The following STS variants were observed in gnomAD, a reference collection of about 807,000 sequenced individuals.
STS encodes steroid sulfatase.
In STS, 7 loss-of-function variants were observed where a neutral mutation model predicts 26.8. That is an observed-to-expected ratio of 0.26 (90% CI 0.15 to 0.49). STS has a LOEUF of 0.49. Ranked by LOEUF, STS falls within the 20% of genes least tolerant of loss-of-function variation. The pLI is 0.98. For synonymous variants in STS, 199 were observed against 189.4 expected (o/e 1.05, Z -0.42); for missense variants, 434 against 465.6 (o/e 0.93, Z 0.63).
chrX:7,215,138 C>CATATAT (rs369499691), intron 2 of STS, among the ~76,000 whole-genome samples: 2,292 of 90,201 alleles, frequency 0.025, 99 homozygotes, highest in African/African-American at 0.093. Context: ...CACACACACA[C>CATATAT]ATATATATAT....
intron 1 of STS, among the ~76,000 whole-genome samples, chrX:7,168,744 C>T (rs1207065527): frequency 1.8e-5 from 2 of 111,654 alleles, no homozygotes; most frequent in East Asian, 2.8e-4. Context: ...TTGCCTTCCT[C>T]TCTGTCCTTA....
At chrX:7,236,753 A>G (rs2147064572) in intron 2 of STS, among the ~76,000 whole-genome samples, 1 of 112,179 alleles carries the variant, frequency 8.9e-6, no homozygotes, top group Non-Finnish European at 1.9e-5. Flanking sequence ...ATTTTTCTTT[A>G]AGCCAATTAA....
At chrX:7,295,625 A>G (rs1349691813) in intron 7 of STS, among the ~76,000 whole-genome samples, 1 of 110,757 alleles carries the variant, frequency 9.0e-6, no homozygotes, top group African/African-American at 3.3e-5. Context: ...TATCTCTGGT[A>G]GGACCCACGG....
At chrX:7,284,786 A>T (rs924730338) in intron 7 of STS, among the ~76,000 whole-genome samples, 19 of 112,180 alleles carry the variant, frequency 1.7e-4, no homozygotes, top group Admixed American at 3.8e-4. Flanking sequence ...TTCAAGGCAG[A>T]TGGCTAAGAA....
intron 6 of STS, among the ~76,000 whole-genome samples, chrX:7,263,802 T>C (rs1923867328): frequency 1.0e-5 from 1 of 99,082 alleles, no homozygotes; most frequent in African/African-American, 3.6e-5. Flanking sequence ...TGTGTGTGTA[T>C]ATATGTGTGT....
intron 1 of STS, among the ~76,000 whole-genome samples, chrX:7,179,829 T>A (rs1221524991): frequency 8.9e-6 from 1 of 112,038 alleles, no homozygotes; most frequent in Non-Finnish European, 1.9e-5. Context: ...ACAGCAGAAA[T>A]AAATTCAGGA....
At chrX:7,238,764 C>A (rs1922450585) in intron 2 of STS, among the ~76,000 whole-genome samples, 1 of 110,883 alleles carries the variant, frequency 9.0e-6, no homozygotes, top group African/African-American at 3.3e-5. Flanking sequence ...CTGGGGAGTT[C>A]AAGGCTGCAG....
chrX:7,267,536 G>GA (rs1401745753), intron 6 of STS, among the ~76,000 whole-genome samples: 1 of 112,049 alleles, frequency 8.9e-6, no homozygotes, highest in South Asian at 3.7e-4. Flanking sequence ...TCTGCTTTGT[G>GA]AAAAAACAGA....
At chrX:7,258,277 A>AT (rs759423739) in intron 5 of STS, among the ~76,000 whole-genome samples, 2 of 109,451 alleles carry the variant, frequency 1.8e-5, no homozygotes, top group Non-Finnish European at 3.8e-5. Context: ...GGATAGATAG[A>AT]TAGATAGATA....
At chrX:7,295,699 G>A (rs1189773589) in intron 7 of STS, among the ~76,000 whole-genome samples, 1 of 110,800 alleles carries the variant, frequency 9.0e-6, no homozygotes, top group East Asian at 2.9e-4. Flanking sequence ...TGCTTCTCTC[G>A]ACTAACACTG....
chrX:7,286,518 A>G (rs776095955), intron 7 of STS, among the ~76,000 whole-genome samples: 4 of 110,511 alleles, frequency 3.6e-5, no homozygotes, highest in Non-Finnish European at 7.6e-5. Flanking sequence ...CCAATTTTTT[A>G]TTCAAGCAGA....
intron 2 of STS, among the ~76,000 whole-genome samples, chrX:7,218,139 A>T (rs1324165724): frequency 2.7e-5 from 3 of 112,294 alleles, no homozygotes; most frequent in Non-Finnish European, 3.8e-5. Context: ...TGTATTCCCC[A>T]TTGCTTGACA....
chrX:7,314,768 G>T (rs1342413537), intron 8 of STS, among the ~76,000 whole-genome samples: 1 of 112,379 alleles, frequency 8.9e-6, no homozygotes, highest in Admixed American at 9.4e-5. Context: ...TTGAAGTTGT[G>T]TGGTCAAGCG....
intron 1 of STS, among the ~76,000 whole-genome samples, chrX:7,178,543 G>C: frequency 9.0e-6 from 1 of 111,274 alleles, no homozygotes; most frequent in South Asian, 3.8e-4. Context: ...CTTTTGCTTG[G>C]GTTCCTCTCT....
intron 9 of STS, among the ~76,000 whole-genome samples, chrX:7,326,968 T>C (rs1927507599): frequency 8.9e-6 from 1 of 112,151 alleles, no homozygotes. Context: ...AGTTCAACTA[T>C]TCTCAAACTT....
intron 1 of STS, among the ~76,000 whole-genome samples, chrX:7,155,100 C>A (rs1292999828): frequency 8.9e-6 from 1 of 112,006 alleles, no homozygotes; most frequent in East Asian, 2.8e-4. Flanking sequence ...TGAGTCCTTG[C>A]CTCCTCAATT....
At chrX:7,303,112 G>C (rs902245386) in intron 7 of STS, among the ~76,000 whole-genome samples, 1 of 111,072 alleles carries the variant, frequency 9.0e-6, no homozygotes, top group East Asian at 2.9e-4. Context: ...GGACCCGGTG[G>C]GAGATAATGG....
At chrX:7,263,028 A>G (rs1485798405) in intron 6 of STS, among the ~76,000 whole-genome samples, 1 of 112,244 alleles carries the variant, frequency 8.9e-6, no homozygotes, top group Admixed American at 9.4e-5. Flanking sequence ...CAGAAGTCCC[A>G]TGAGATTATA....
chrX:7,204,255 T>C (rs1281181783), intron 2 of STS, among the ~76,000 whole-genome samples: 1 of 112,012 alleles, frequency 8.9e-6, no homozygotes, highest in African/African-American at 3.2e-5. Context: ...CTTCTTAATT[T>C]TCTAACCCAA....
Sources: allele counts gnomAD v4.1 joint callset (sites outside exome capture counted in the v4.1 genomes callset), GRCh38; gene constraint gnomAD v4.1.1; transcripts MANE v1.5; gene names NCBI Gene and HGNC (gene_info 2026-07-23, HGNC 2026-07-21).